Variants in TMF1 observed in about 807,000 individuals in gnomAD.
The protein encoded by TMF1 is TATA element modulatory factor.
A neutral mutation model predicts 126.5 loss-of-function variants in TMF1; 71 were observed. That is an observed-to-expected ratio of 0.56 (90% confidence interval 0.46 to 0.68). TMF1 has a LOEUF of 0.68. Among genes scored for constraint, TMF1 ranks in the 30% least tolerant of loss-of-function variants. The probability of loss-of-function intolerance (pLI) is 0.00; values close to 1 mark genes in which losing one functional copy is unlikely to be tolerated. For synonymous variants in TMF1, 461 were observed against 430.5 expected (o/e 1.07, Z -0.88); for missense variants, 1,259 against 1,253.2 (o/e 1.00, Z -0.07).
chr3:69,039,505 G>A lies in TMF1; in HGVS notation c.1827+46C>T, dbSNP rs201740646. On this transcript the variant is annotated intron_variant, in intron 6 of 16. Transcript: ENST00000398559. ...ATAACCATGGCCAACTGTTCATACA[G>A]GAAGTAATAACAATATATATGTAGA... The A allele has an allele frequency of 9.9e-5, 156 of 1,575,270 alleles. 5 individuals are homozygous for A. In the South Asian group the frequency reaches 1.6e-3, roughly 17 times the overall value.
chr3:69,032,757 G>A (rs904285729), intron 10 of TMF1, among the ~76,000 whole-genome samples: 3 of 151,936 alleles, frequency 2.0e-5, no homozygotes, highest in South Asian at 4.2e-4. Context: ...TTACAGGCAT[G>A]CGCCATGACA....
intron 8 of TMF1, among the ~76,000 whole-genome samples, chr3:69,037,221 G>A (rs1052949701): frequency 6.6e-6 from 1 of 152,186 alleles, no homozygotes; most frequent in African/African-American, 2.4e-5. Flanking sequence ...TCAGCCGGGC[G>A]TAGTGGCTCA....
chr3:69,031,439 C>A (rs1309156026), intron 10 of TMF1, among the ~76,000 whole-genome samples: 1 of 150,074 alleles, frequency 6.7e-6, no homozygotes, highest in Admixed American at 6.6e-5. Context: ...CACACACATA[C>A]ACAAATGAGT....
Position 69,038,720 on chromosome 3 carries a change from T to C in TMF1, c.1995A>G (p.Lys665=), listed in dbSNP as rs778822791. The C allele has an allele frequency of 6.2e-7, 1 of 1,601,878 alleles. No individual in the cohort carries two copies. The highest frequency in any genetic ancestry group is 1.1e-5 in the South Asian group (1 of 89,036). ...TGGCTTTGTGAAGATCAGTAAGTTC[T>C]CTTAAAAAATTAGATTGAGTTTATA... ...SIQAALDSAY[K]ELTDLHKANA... is the part of the protein sequence containing the mutation. Residue 665 remains lysine, a splice_region_variant and synonymous_variant, in exon 8 of 17, where the codon AAA becomes AAG. Transcript: ENST00000398559.
intron 8 of TMF1, among the ~76,000 whole-genome samples, chr3:69,036,632 A>C (rs1452322195): frequency 6.6e-6 from 1 of 152,246 alleles, no homozygotes; most frequent in Non-Finnish European, 1.5e-5. Context: ...GGAGCAGCTA[A>C]ATTGGAAGTA....
chr3:69,036,473 C>T (rs980495376), intron 8 of TMF1, among the ~76,000 whole-genome samples: 18 of 152,154 alleles, frequency 1.2e-4, no homozygotes, highest in Admixed American at 2.0e-4. Flanking sequence ...ATGTAGGAGA[C>T]AGAAATAGGT....
intron 11 of TMF1, among the ~76,000 whole-genome samples, chr3:69,029,264 C>A (rs909319974): frequency 6.6e-6 from 1 of 151,598 alleles, no homozygotes; most frequent in Non-Finnish European, 1.5e-5. Flanking sequence ...GAACTCCTAA[C>A]CTCAGGTGAT....
Position 69,023,081 on chromosome 3 carries a change from TTTCTAA to T in TMF1, c.*90_*95del. 8.0e-7 allele frequency: 1 copy of T among 1,245,002 alleles called. No homozygotes were observed. The highest frequency in any genetic ancestry group is 1.1e-6 in the Non-Finnish European group (1 of 911,408). 77.1% of individuals were successfully genotyped at this position (1,245,002 alleles called of 1,614,324 possible). The stretch of plus-strand genomic sequence containing the variant: ...TTTTACACTCTACAGTAAATCCCAC[TTTCTAA>T]TTCTATAAAAGAATTTATTGGAAGT... On this transcript the variant is annotated 3_prime_UTR_variant, in exon 17 of 17. Transcript: ENST00000398559.
intron 9 of TMF1, 71 bp downstream of exon 9, chr3:69,034,952 C>T (rs2091824201): frequency 7.4e-7 from 1 of 1,354,200 alleles, no homozygotes; most frequent in Non-Finnish European, 1.1e-6. Context: ...CACTATCCCA[C>T]TGAGGAATTC....
At chr3:69,039,419 A>G (rs1249134854) in intron 6 of TMF1, 132 bp downstream of exon 6, 1 of 1,040,568 alleles carries the variant, frequency 9.6e-7, no homozygotes, top group Non-Finnish European at 1.3e-6. Context: ...CTTATCATTT[A>G]TCTATTGTTT....
intron 1 of TMF1, among the ~76,000 whole-genome samples, chr3:69,049,526 C>T (rs528902757): frequency 1.4e-4 from 22 of 152,322 alleles, no homozygotes; most frequent in Middle Eastern, 3.4e-3. Flanking sequence ...AAATCCCACT[C>T]TCCAAGCCCA....
At chr3:69,035,203 CATTGTTCATGTAT>C in intron 8 of TMF1, 88 bp from the exon 9 acceptor site, 2 of 1,089,230 alleles carry the variant, frequency 1.8e-6, no homozygotes, top group South Asian at 2.7e-5. Context: ...GTTGTGTCAA[CATTGTTCATGTAT>C]ACTATTTCAT....
intron 8 of TMF1, 103 bp from the exon 9 acceptor site, chr3:69,035,218 C>T: frequency 1.1e-6 from 1 of 875,020 alleles, no homozygotes; most frequent in South Asian, 1.6e-5. Context: ...TTCATGTATA[C>T]TATTTCATAC....
At chr3:69,046,479 T>C (rs1464236126) in intron 2 of TMF1, among the ~76,000 whole-genome samples, 1 of 152,234 alleles carries the variant, frequency 6.6e-6, no homozygotes. Context: ...AGCATTTTGT[T>C]TGTGAATATT....
At chr3:69,049,811 T>C (rs937771029) in intron 1 of TMF1, among the ~76,000 whole-genome samples, 5 of 152,194 alleles carry the variant, frequency 3.3e-5, no homozygotes, top group Non-Finnish European at 7.3e-5. Flanking sequence ...CGTTAAAGTA[T>C]TTAAAGCATT....
chr3:69,026,679 T>C (rs78362922), intron 13 of TMF1, among the ~76,000 whole-genome samples: 1,773 of 148,956 alleles, frequency 0.012, 30 homozygotes, highest in African/African-American at 0.044. Flanking sequence ...TAGCTAGACT[T>C]GGTTAGATCA....
At chr3:69,046,760 C>T (rs180741796) in intron 2 of TMF1, among the ~76,000 whole-genome samples, 100 of 152,134 alleles carry the variant, frequency 6.6e-4, no homozygotes, top group African/African-American at 2.2e-3. Flanking sequence ...TTCTCTTTCT[C>T]GTTCATGTGA....
Position 69,027,886 on chromosome 3 carries a change from A to C in TMF1, c.2757+14T>G, listed in dbSNP as rs1559629170. 1 of 1,442,052 alleles carries C rather than the reference A, an allele frequency of 6.9e-7. No individual in the cohort carries two copies. Among genetic ancestry groups the C allele is most frequent in the Admixed American group, 1.9e-5 (1 of 54,002 alleles). The allele number at this position is 1,442,052 out of a possible 1,614,324, so 89.3% of individuals were successfully genotyped here. On this transcript the variant is annotated intron_variant, in intron 13 of 16. Coordinates refer to ENST00000398559, the MANE Select transcript of TMF1 (RefSeq NM_007114.3). ...ATGGTTACACCACAAACAAACAAAA[A>C]CAAAATTCAATACCTTTTCTTTTAT...
intron 15 of TMF1, 94 bp from the exon 16 acceptor site, chr3:69,024,274 T>G (rs2091754657): frequency 8.2e-7 from 1 of 1,221,786 alleles, no homozygotes; most frequent in Non-Finnish European, 1.1e-6. Flanking sequence ...TGTGGTTTTT[T>G]TTTTTTTTTT....
Sources: gnomAD v4.1 joint callset for allele counts (sites outside exome capture counted in the v4.1 genomes callset) on GRCh38, gnomAD v4.1.1 for gene constraint, MANE v1.5 for transcripts, NCBI Gene and HGNC (gene_info 2026-07-23, HGNC 2026-07-21) for gene names.